TLL2: variants seen among roughly 807,000 people sequenced by gnomAD.
The protein encoded by TLL2 is tolloid like 2.
Under a neutral mutation model 123.0 loss-of-function variants are expected in TLL2, and 106 were observed. The ratio of observed to expected loss-of-function variants is 0.86; its 90% confidence interval spans 0.74 to 1.01. TLL2 has a LOEUF of 1.01. TLL2 is among the 50% of genes least tolerant of loss of function. TLL2 has a pLI of 0.00. For synonymous variants in TLL2, 494 were observed against 516.8 expected, an observed-to-expected ratio of 0.96 and a Z score of 0.60; for missense variants, 1,332 against 1,336.7, an observed-to-expected ratio of 1.00 and a Z score of 0.06.
chr10:96,493,512 T>G (rs984024722), intron 1 of TLL2, among the ~76,000 whole-genome samples: 1 of 150,834 alleles, frequency 6.6e-6, no homozygotes, highest in Non-Finnish European at 1.5e-5. Context: ...CCAGCTGGAG[T>G]GGGGGGCCCA....
chr10:96,463,789 C>T (rs1440886834), intron 2 of TLL2, among the ~76,000 whole-genome samples: 3 of 152,248 alleles, frequency 2.0e-5, no homozygotes, highest in Non-Finnish European at 2.9e-5. Flanking sequence ...AACCTGTCAC[C>T]TGGCCTCATT....
Position 96,386,120 on chromosome 10 carries a change from C to T in TLL2, c.1948G>A (p.Val650Met). ...ATCCGGTACTGAGCGGGGGCCACCA[C>T]CTGCCAGACACAGTTTTTGTTTGTG... ...YPTNKNCVWQVVAPAQYRISL... is the reference protein window; with the variant it reads ...YPTNKNCVWQMVAPAQYRISL... Residue 650 changes from valine to methionine, a missense_variant, in exon 15 of 21, where the codon GTG becomes ATG. By Grantham distance (21) the Val-to-Met change is conservative. Coordinates refer to ENST00000357947, the MANE Select transcript of TLL2 (RefSeq NM_012465.4). 6.2e-7 allele frequency: 1 copy of T among 1,613,202 alleles called. No individual in the cohort carries two copies. The highest frequency in any genetic ancestry group is 1.1e-5 in the South Asian group (1 of 90,898).
chr10:96,471,368 A>G (rs535829900), intron 2 of TLL2, among the ~76,000 whole-genome samples: 2 of 152,132 alleles, frequency 1.3e-5, no homozygotes, highest in Non-Finnish European at 2.9e-5. Context: ...TGGAATCCAA[A>G]TCCAAGCATC....
At chr10:96,399,316 C>T (rs1036094869) in intron 10 of TLL2, among the ~76,000 whole-genome samples, 4 of 152,132 alleles carry the variant, frequency 2.6e-5, no homozygotes, top group Non-Finnish European at 4.4e-5. Flanking sequence ...AGATATGTCA[C>T]GGGTACTCTT....
intron 13 of TLL2, among the ~76,000 whole-genome samples, chr10:96,394,798 A>G (rs562025151): frequency 6.6e-6 from 1 of 152,366 alleles, no homozygotes; most frequent in Non-Finnish European, 1.5e-5. Context: ...TCACAGGGTT[A>G]TTTGGGGAAT....
rs140619305 is a variant in TLL2, at chr10:96,474,802, C to T, written c.286+5547G>A. ...TCCTGGAGGCTAGAAGTCTGAAGGC[C>T]AGGTGTTGGCAGCATTCTCCCCAAA... is the stretch of plus-strand genomic sequence containing the variant. On this transcript the variant is annotated intron_variant, in intron 2 of 20. Coordinates refer to ENST00000357947, the MANE Select transcript of TLL2 (RefSeq NM_012465.4). Among the ~76,000 whole-genome samples, 105 of 152,246 alleles carry T rather than the reference C, an allele frequency of 6.9e-4. 2 individuals are homozygous for T. The highest frequency in any genetic ancestry group is 2.5e-3 in the African/African-American group (103 of 41,548).
At chr10:96,393,151 A>G (rs1221270938) in intron 13 of TLL2, among the ~76,000 whole-genome samples, 3 of 152,218 alleles carry the variant, frequency 2.0e-5, no homozygotes, top group African/African-American at 7.2e-5. Context: ...CAGCCCTGCC[A>G]TCCCCTTGAT....
Position 96,484,520 on chromosome 10 carries a change from A to G in TLL2, c.176-4061T>C, listed in dbSNP as rs142383466. Among the ~76,000 whole-genome samples the G allele has an allele frequency of 5.3e-4, 81 of 152,080 alleles. 1 individual carries two copies. The East Asian group carries it at 0.015, about 28-fold the overall frequency. ...AACCTCACTGAGCCACAAATGATTC[A>G]TCTATAGAGATAATATTGCCTATTC... On this transcript the variant is annotated intron_variant, in intron 1 of 20. Transcript: ENST00000357947.
Position 96,422,557 on chromosome 10 carries a change from A to C in TLL2, c.809T>G (p.Ile270Ser). The change falls in exon 6 of 21, where the codon ATC becomes AGC. Residue 270 changes from isoleucine to serine, a missense_variant. By Grantham distance (142) the Ile-to-Ser change is moderately radical. Coordinates refer to ENST00000357947, the MANE Select transcript of TLL2 (RefSeq NM_012465.4). ...CACACAGGCCTCCTTACCTGGCTGGATGTTTTCCCTGATGATGGTGACATG... is the reference window on the plus strand; with the variant it reads ...CACACAGGCCTCCTTACCTGGCTGGCTGTTTTCCCTGATGATGGTGACATG... ...DQHVTIIREN[I>S]QPGQEYNFLK... 3.1e-6 allele frequency: 5 copies of C among 1,613,980 alleles called. No individual in the cohort carries two copies. The highest frequency in any genetic ancestry group is 4.2e-6 in the Non-Finnish European group (5 of 1,180,008).
intron 2 of TLL2, among the ~76,000 whole-genome samples, chr10:96,478,232 C>T (rs1307385127): frequency 1.3e-5 from 2 of 152,210 alleles, no homozygotes; most frequent in Non-Finnish European, 2.9e-5. Context: ...CCCCCAAGGA[C>T]AGCAGGACAG....
intron 11 of TLL2, 132 bp from the exon 12 acceptor site, chr10:96,396,152 C>G: frequency 9.3e-7 from 1 of 1,072,734 alleles, no homozygotes; most frequent in South Asian, 2.1e-5. Context: ...TTTTCATCTC[C>G]AGCCCACAAA....
intron 5 of TLL2, among the ~76,000 whole-genome samples, chr10:96,424,912 T>G (rs1017988850): frequency 1.3e-5 from 2 of 152,064 alleles, no homozygotes; most frequent in Admixed American, 1.3e-4. Flanking sequence ...TACTCTTCGA[T>G]TTTTTCTTTC....
chr10:96,493,197 G>A (rs1199690752), intron 1 of TLL2, among the ~76,000 whole-genome samples: 1 of 152,216 alleles, frequency 6.6e-6, no homozygotes, highest in African/African-American at 2.4e-5. Flanking sequence ...GGCACAGAGA[G>A]ATTTAGGCAA....
chr10:96,414,108 G>A (rs138709798), intron 7 of TLL2, among the ~76,000 whole-genome samples: 1 of 152,098 alleles, frequency 6.6e-6, no homozygotes, highest in African/African-American at 2.4e-5. Flanking sequence ...CCAGCTGAGC[G>A]CTGGCCCTGT....
At position 96,420,967 on chromosome 10, in the gene TLL2, G is replaced by A. The variant is rs1384233097; in HGVS notation, c.912C>T (p.Asn304=). 6.2e-7 allele frequency: 1 copy of A among 1,614,056 alleles called. No homozygotes were observed. The highest frequency in any genetic ancestry group is 1.1e-5 in the South Asian group (1 of 91,072). ...GCATAGATTCCGACCTTGAGAAGGT[G>A]TTCCGGGCGTAGTGCATGATGCTGT... ...DFDSIMHYAR[N]TFSRGVFLDT... is the part of the protein sequence containing the mutation. The change falls in exon 7 of 21, where the codon AAC becomes AAT. Residue 304 remains asparagine (N), a synonymous_variant. Transcript: ENST00000357947.
chr10:96,500,804 C>CAGAG (rs1564920406), intron 1 of TLL2, among the ~76,000 whole-genome samples: 5 of 12,972 alleles, frequency 3.9e-4, no homozygotes, highest in East Asian at 1.7e-3. Context: ...GAGGGAGGGA[C>CAGAG]GGAGGGAGGG....
intron 1 of TLL2, among the ~76,000 whole-genome samples, chr10:96,509,588 A>T (rs1847608439): frequency 6.6e-6 from 1 of 151,798 alleles, no homozygotes; most frequent in Non-Finnish European, 1.5e-5. Flanking sequence ...TCCTGGGATC[A>T]CCTTCCACAT....
intron 2 of TLL2, among the ~76,000 whole-genome samples, chr10:96,449,221 G>C (rs1846930135): frequency 6.6e-6 from 1 of 152,240 alleles, no homozygotes; most frequent in South Asian, 2.1e-4. Flanking sequence ...TGAGGAAGCA[G>C]AGAGAGTTAG....
At chr10:96,441,675 T>C (rs1355695014) in intron 3 of TLL2, among the ~76,000 whole-genome samples, 1 of 152,202 alleles carries the variant, frequency 6.6e-6, no homozygotes, top group East Asian at 1.9e-4. Flanking sequence ...CCTCACTTCC[T>C]GCTGCAGGGC....
Sources: gnomAD v4.1 joint callset for allele counts (sites outside exome capture counted in the v4.1 genomes callset) on GRCh38, gnomAD v4.1.1 for gene constraint, MANE v1.5 for transcripts, NCBI Gene and HGNC (gene_info 2026-07-23, HGNC 2026-07-21) for gene names.